CC2D2A: variants seen among roughly 807,000 people sequenced by gnomAD.
CC2D2A encodes the protein coiled-coil and C2 domain-containing protein 2A.
CC2D2A carries 155 observed loss-of-function variants against 212.9 expected under a neutral mutation model. That is an observed-to-expected ratio of 0.73 (90% confidence interval 0.64 to 0.83). The LOEUF is 0.83. CC2D2A is among the 40% of genes least tolerant of loss of function. The probability of loss-of-function intolerance (pLI) is 0.00; values close to 1 mark genes in which losing one functional copy is unlikely to be tolerated. For missense variants in CC2D2A, 1,856 were observed against 1,956.2 expected (o/e 0.95, Z 0.97); for synonymous variants, 667 against 686.5 (o/e 0.97, Z 0.44).
chr4:15,570,593 G>A (rs1720113320), intron 28 of CC2D2A, 97 bp downstream of exon 28: 3 of 763,280 alleles, frequency 3.9e-6, no homozygotes, highest in Non-Finnish European at 6.6e-6. Context: ...GGTGGCTCAT[G>A]CCTGTAATCC....
intron 1 of CC2D2A, among the ~76,000 whole-genome samples, chr4:15,474,119 C>T (rs1214223499): frequency 6.6e-6 from 1 of 152,098 alleles, no homozygotes; most frequent in African/African-American, 2.4e-5. Flanking sequence ...CAGAGCTAAG[C>T]CCCACAGCAT....
intron 28 of CC2D2A, among the ~76,000 whole-genome samples, chr4:15,573,139 C>CAAGTT (rs61091652): frequency 0.96 from 145,873 of 152,088 alleles, 70,237 homozygotes; most frequent in East Asian, 1. Flanking sequence ...TCAGTCCAAT[C>CAAGTT]GATACTTAAC....
chr4:15,490,088 G>A (rs1170020115), intron 4 of CC2D2A, among the ~76,000 whole-genome samples: 11 of 152,018 alleles, frequency 7.2e-5, no homozygotes, highest in South Asian at 4.1e-4. Context: ...ATGCAACCGC[G>A]TACTCAACAT....
intron 4 of CC2D2A, among the ~76,000 whole-genome samples, chr4:15,491,160 G>A (rs1166433029): frequency 6.6e-6 from 1 of 152,118 alleles, no homozygotes; most frequent in African/African-American, 2.4e-5. Flanking sequence ...AACTTTTTAA[G>A]AAACTGCCGA....
Position 15,563,306 on chromosome 4 carries a change from G to T in CC2D2A, c.3015-49G>T. 2.0e-6 allele frequency: 3 copies of T among 1,519,074 alleles called. No individual in the cohort carries two copies. The Middle Eastern group carries it at 5.2e-4, about 262-fold the overall frequency. 94.1% of individuals were successfully genotyped at this position (1,519,074 alleles called of 1,614,324 possible). A position where few individuals can be genotyped will look rare whatever the true frequency, so the allele number is the denominator to read the frequency against. ...GTTCGGGAAGTCGTCTCACAATTTT[G>T]CAGACCTTTCTTTTTCTTAGAGTCC... On this transcript the variant is annotated intron_variant, in intron 23 of 36. Coordinates refer to ENST00000424120, the MANE Select transcript of CC2D2A (RefSeq NM_001378615.1).
chr4:15,528,552 T>C, intron 12 of CC2D2A, 68 bp from the exon 13 acceptor site: 1 of 1,292,820 alleles, frequency 7.7e-7, no homozygotes, highest in Non-Finnish European at 1.1e-6. Context: ...GAGAAGTGGG[T>C]GGGTCCAGTT....
rs370522194 is a variant in CC2D2A, at chr4:15,546,086, G to C, written c.2182-4738G>C. Among the ~76,000 whole-genome samples, 199 of 152,014 alleles carry C rather than the reference G, an allele frequency of 1.3e-3. 2 individuals are homozygous for C. The highest frequency in any genetic ancestry group is 4.6e-3 in the African/African-American group (189 of 41,458). ...GATCACGCCACTGCACTCCAGCCTGGGAGACAGGGTGAGACCCTGTCTCAA... is the reference window on the plus strand; with the variant it reads ...GATCACGCCACTGCACTCCAGCCTGCGAGACAGGGTGAGACCCTGTCTCAA... On this transcript the variant is annotated intron_variant, in intron 17 of 36. Coordinates refer to ENST00000424120, the MANE Select transcript of CC2D2A (RefSeq NM_001378615.1).
chr4:15,538,043 A>G lies in CC2D2A; in HGVS notation c.1909A>G (p.Arg637Gly). 6.2e-7 allele frequency: 1 copy of G among 1,607,242 alleles called. No homozygotes were observed. The highest frequency in any genetic ancestry group is 8.5e-7 in the Non-Finnish European group (1 of 1,177,074). ...AGTGATAGAGCAGGAGGTGAGGGAG[A>G]GAGCAGCCCAGAGCAGGAGGAGGCC... ...RAVIEQEVRE[R>G]AAQSRRRPWE... is the part of the protein sequence containing the mutation. The change falls in exon 16 of 37, where the codon AGA (arginine) becomes GGA (glycine). Residue 637 changes from arginine to glycine, a missense_variant. Physicochemically the swap from Arg to Gly is moderately radical, Grantham distance 125 (BLOSUM62 -2). This residue lies in a region of CC2D2A where 1,512 missense variants were observed against 1,579.3 expected (regional missense o/e 0.96). Coordinates refer to ENST00000424120, the MANE Select transcript of CC2D2A (RefSeq NM_001378615.1).
intron 32 of CC2D2A, among the ~76,000 whole-genome samples, chr4:15,589,253 C>T (rs1215745334): frequency 6.6e-6 from 1 of 152,144 alleles, no homozygotes; most frequent in East Asian, 1.9e-4. Context: ...CTGCTTATTT[C>T]CACTAATAAT....
chr4:15,497,194 G>A (rs1206702578), intron 4 of CC2D2A, among the ~76,000 whole-genome samples: 1 of 152,166 alleles, frequency 6.6e-6, no homozygotes, highest in Non-Finnish European at 1.5e-5. Context: ...AAAACAGCAT[G>A]GTACAGGTAC....
At chr4:15,548,603 A>T (rs910360605) in intron 17 of CC2D2A, among the ~76,000 whole-genome samples, 1 of 152,088 alleles carries the variant, frequency 6.6e-6, no homozygotes, top group African/African-American at 2.4e-5. Flanking sequence ...CTTTCATTTC[A>T]AACAAAATGA....
intron 4 of CC2D2A, among the ~76,000 whole-genome samples, chr4:15,493,519 T>C (rs1005608344): frequency 3.3e-5 from 5 of 152,134 alleles, no homozygotes; most frequent in Admixed American, 6.6e-5. Context: ...GCAATCTGCC[T>C]GCTTCAGCCT....
At position 15,470,689 on chromosome 4, in the gene CC2D2A, CTA is replaced by C. The variant is rs199958992; in HGVS notation, c.-19+676_-19+677del. Among the ~76,000 whole-genome samples, 309 of 50,338 alleles carry C rather than the reference CTA, an allele frequency of 6.1e-3. 1 individual carries two copies. Among genetic ancestry groups the C allele is most frequent in the South Asian group, 0.013 (17 of 1,344 alleles). 33.0% of individuals were successfully genotyped at this position (50,338 alleles called of 152,430 possible). ...TCTCTCTCTCTCTCTCTCTCTCTCT[CTA>C]TATATATATATATATATATATATAT... On this transcript the variant is annotated intron_variant, in intron 1 of 36. Coordinates refer to ENST00000424120, the MANE Select transcript of CC2D2A (RefSeq NM_001378615.1).
Position 15,478,017 on chromosome 4 carries a change from A to G in CC2D2A, c.40-706A>G, listed in dbSNP as rs193009428. 5.0e-3 allele frequency among the ~76,000 whole-genome samples: 764 copies of G among 152,320 alleles called. 5 individuals are homozygous for G. Among genetic ancestry groups the G allele is most frequent in the African/African-American group, 0.017 (707 of 41,576 alleles). On this transcript the variant is annotated intron_variant, in intron 2 of 36. Coordinates refer to ENST00000424120, the MANE Select transcript of CC2D2A (RefSeq NM_001378615.1). ...CCAGAGAGGTTCTGTTTATCTTGCA[A>G]CTTTTTGTTCACCCAGGGGCACTTG...
At chr4:15,601,214 C>T (rs769088254) in intron 36 of CC2D2A, 23 bp from the exon 37 acceptor site, 1 of 1,587,192 alleles carries the variant, frequency 6.3e-7, no homozygotes, top group South Asian at 1.1e-5. Flanking sequence ...TCACTAATGA[C>T]TACAAATGTT....
intron 8 of CC2D2A, among the ~76,000 whole-genome samples, chr4:15,514,344 T>C (rs1428761356): frequency 6.6e-6 from 1 of 152,120 alleles, no homozygotes; most frequent in Non-Finnish European, 1.5e-5. Context: ...TAGTGCCAGG[T>C]GGAAGGTTAA....
intron 14 of CC2D2A, among the ~76,000 whole-genome samples, chr4:15,535,336 G>T (rs957973424): frequency 2.0e-5 from 3 of 151,550 alleles, no homozygotes; most frequent in African/African-American, 7.3e-5. Context: ...CATCCCTGCT[G>T]CTAACTCTCC....
chr4:15,538,045 A>G lies in CC2D2A; in HGVS notation c.1911A>G (p.Arg637=). 1 of 1,607,562 alleles carries G rather than the reference A, an allele frequency of 6.2e-7. No individual in the cohort carries two copies. The highest frequency in any genetic ancestry group is 8.5e-7 in the Non-Finnish European group (1 of 1,177,190). Residue 637 remains arginine, a synonymous_variant, in exon 16 of 37, where the codon AGA becomes AGG. Coordinates refer to ENST00000424120, the MANE Select transcript of CC2D2A (RefSeq NM_001378615.1). ...TGATAGAGCAGGAGGTGAGGGAGAG[A>G]GCAGCCCAGAGCAGGAGGAGGCCTT... ...RAVIEQEVRE[R]AAQSRRRPWE...
At chr4:15,483,947 T>C (rs886711212) in intron 4 of CC2D2A, among the ~76,000 whole-genome samples, 2 of 152,226 alleles carry the variant, frequency 1.3e-5, no homozygotes, top group African/African-American at 4.8e-5. Flanking sequence ...CTACCTATCT[T>C]ACTCCCTTGG....
Sources: allele counts gnomAD v4.1 joint callset (sites outside exome capture counted in the v4.1 genomes callset), GRCh38; gene constraint gnomAD v4.1.1; regional missense constraint gnomAD v4.1.1; transcripts MANE v1.5; gene names NCBI Gene and HGNC (gene_info 2026-07-23, HGNC 2026-07-21).